Variants in SUGT1 observed in about 807,000 individuals in gnomAD.
The protein encoded by SUGT1 is SGT1 assembly cochaperone of MIS12 kinetochore complex, also known as protein SGT1 homolog.
A neutral mutation model predicts 56.1 loss-of-function variants in SUGT1; 15 were observed. The ratio of observed to expected loss-of-function variants is 0.27; its 90% CI spans 0.18 to 0.41. SUGT1 has a LOEUF of 0.41. Ranked by LOEUF, SUGT1 falls within the 10% of genes least tolerant of loss-of-function variation. SUGT1 has a pLI of 1.00. For missense variants in SUGT1, 347 were observed against 382.2 expected (o/e 0.91, Z 0.77); for synonymous variants, 123 against 128.6 (o/e 0.96, Z 0.30).
intron 5 of SUGT1, among the ~76,000 whole-genome samples, chr13:52,662,338 G>A (rs926490909): frequency 6.6e-6 from 1 of 152,196 alleles, no homozygotes; most frequent in African/African-American, 2.4e-5. Context: ...TGTTCTGTGT[G>A]TGAGGAAGCT....
rs146461150 is a variant in SUGT1 at position 52,676,555 on chromosome 13, A to G, written c.718+235A>G. On this transcript the variant is annotated intron_variant, in intron 11 of 12. Transcript: ENST00000310528. ...AAAATCCTAGAGGGAGTTGGGATTT[A>G]TTGTTTACCATGTAAAGTTTATGAC... 3.9e-5 allele frequency among the ~76,000 whole-genome samples: 6 copies of G among 152,282 alleles called. No individual in the cohort carries two copies. The East Asian group carries it at 1.2e-3, about 29-fold the overall frequency.
Position 52,690,235 on chromosome 13 carries a change from G to T in SUGT1, c.*2400G>T, listed in dbSNP as rs1278183947. The stretch of plus-strand genomic sequence containing the variant: ...GAATCCCACTCTAAAGTACTGCTTT[G>T]TTTAATCATTCTAGATAATGGAAGC... On this transcript the variant is annotated 3_prime_UTR_variant, in exon 13 of 13. Transcript: ENST00000310528. 4 of 152,112 alleles carry T rather than the reference G, an allele frequency of 2.6e-5. No homozygotes were observed. The highest frequency in any genetic ancestry group is 5.9e-5 in the Non-Finnish European group (4 of 68,028). The allele number at this position is 152,112 out of a possible 1,614,324, so 9.4% of individuals were successfully genotyped here. A position where few individuals can be genotyped will look rare whatever the true frequency, so the allele number is the denominator to read the frequency against.
At chr13:52,683,371 T>G (rs1166408168) in intron 12 of SUGT1, among the ~76,000 whole-genome samples, 1 of 152,230 alleles carries the variant, frequency 6.6e-6, no homozygotes, top group Admixed American at 6.5e-5. Context: ...GATAGGATTA[T>G]ATGATTTTTC....
chr13:52,653,138 T>C (rs1452909034), intron 2 of SUGT1, 35 bp downstream of exon 2: 1 of 1,613,498 alleles, frequency 6.2e-7, no homozygotes, highest in Non-Finnish European at 8.5e-7. Flanking sequence ...TCCACTCTTC[T>C]TAGGGGAGCT....
rs1349262973 is a variant in SUGT1, at chr13:52,653,773, A to G, written c.96+670A>G. Among the ~76,000 whole-genome samples the G allele has an allele frequency of 1.3e-5, 2 of 152,236 alleles. 1 individual carries two copies. The highest frequency in any genetic ancestry group is 2.9e-5 in the Non-Finnish European group (2 of 68,042). ...AATAATAAGAATTAAAGGAGAACCT[A>G]AAGATAAATGATGCTGCGGGTCACA... On this transcript the variant is annotated intron_variant, in intron 2 of 12. Transcript: ENST00000310528.
chr13:52,686,219 C>T (rs1371012412), intron 12 of SUGT1, among the ~76,000 whole-genome samples: 2 of 152,124 alleles, frequency 1.3e-5, no homozygotes, highest in African/African-American at 2.4e-5. Flanking sequence ...TGAGCCACTA[C>T]GCCTGGCCTT....
intron 11 of SUGT1, among the ~76,000 whole-genome samples, chr13:52,679,512 G>T (rs933496679): frequency 7.2e-5 from 11 of 152,064 alleles, no homozygotes; most frequent in Non-Finnish European, 1.6e-4. Context: ...AAGATACTAA[G>T]TACTTTAGAA....
At chr13:52,683,958 G>A (rs183897981) in intron 12 of SUGT1, among the ~76,000 whole-genome samples, 319 of 152,270 alleles carry the variant, frequency 2.1e-3, no homozygotes, top group African/African-American at 5.9e-3. Context: ...ATAGCTCACT[G>A]CAGCCTCAAC....
intron 10 of SUGT1, among the ~76,000 whole-genome samples, chr13:52,669,484 A>G (rs577459434): frequency 2.0e-4 from 30 of 152,324 alleles, no homozygotes; most frequent in African/African-American, 6.5e-4. Flanking sequence ...TGGAAAAACA[A>G]TCATGTTAAT....
chr13:52,668,422 C>T (rs1962803625), intron 10 of SUGT1, among the ~76,000 whole-genome samples: 3 of 152,110 alleles, frequency 2.0e-5, no homozygotes, highest in Non-Finnish European at 4.4e-5. Context: ...ATTGGGCCTG[C>T]AGAAAGGACA....
Position 52,699,293 on chromosome 13 carries a change from AAC to A in SUGT1, c.*11460_*11461del, listed in dbSNP as rs1964021277. 1 of 152,212 alleles carries A rather than the reference AAC, an allele frequency of 6.6e-6. No individual in the cohort carries two copies. Among genetic ancestry groups the A allele is most frequent in the Admixed American group, 6.5e-5 (1 of 15,278 alleles). The allele number at this position is 152,212 out of a possible 1,614,324, so 9.4% of individuals were successfully genotyped here. ...CAAATGTTTGTTTCAATCAAAGTGA[AAC>A]AAAATGAGAATAACTATTTGGGCAA... is the stretch of plus-strand genomic sequence containing the variant. On this transcript the variant is annotated 3_prime_UTR_variant, in exon 13 of 13. Transcript: ENST00000310528.
chr13:52,684,185 G>GC (rs1963482518), intron 12 of SUGT1, among the ~76,000 whole-genome samples: 1 of 152,064 alleles, frequency 6.6e-6, no homozygotes, highest in African/African-American at 2.4e-5. Flanking sequence ...ACAGGAGTGA[G>GC]CCCCCATGCC....
intron 4 of SUGT1, 64 bp downstream of exon 4, chr13:52,658,532 G>T: frequency 1.4e-6 from 2 of 1,456,336 alleles, no homozygotes; most frequent in South Asian, 1.3e-5. Flanking sequence ...TTTGTTGAAT[G>T]AGTTCATTGC....
rs1964046032 is a variant in SUGT1 at position 52,700,341 on chromosome 13, T to C, written c.*12506T>C. The C allele has an allele frequency of 6.6e-6, 1 of 152,178 alleles. No homozygotes were observed. The highest frequency in any genetic ancestry group is 1.5e-5 in the Non-Finnish European group (1 of 68,008). 9.4% of individuals were successfully genotyped at this position (152,178 alleles called of 1,614,324 possible). A position where few individuals can be genotyped will look rare whatever the true frequency, so the allele number is the denominator to read the frequency against. On this transcript the variant is annotated 3_prime_UTR_variant, in exon 13 of 13. Coordinates refer to ENST00000310528, the MANE Select transcript of SUGT1 (RefSeq NM_006704.5). ...TGTTTATATTATACCTGCATAAAAGTATTTATGTATAGATGTACTTACCTT... is the reference window on the plus strand; with the variant it reads ...TGTTTATATTATACCTGCATAAAAGCATTTATGTATAGATGTACTTACCTT...
rs1051777807 is a variant in SUGT1 at position 52,653,095 on chromosome 13, G to C, written c.88G>C (p.Ala30Pro). 2 of 1,614,132 alleles carry C rather than the reference G, an allele frequency of 1.2e-6. No homozygotes were observed. Among genetic ancestry groups the C allele is most frequent in the Non-Finnish European group, 1.7e-6 (2 of 1,180,032 alleles). ...CCTAATCGACGAGGACCCCCAGGCG[G>C]CGTTAGAGGTGAGAGAGCCCATTTC... ...DALIDEDPQA[A>P]LEELTKALEQ... Residue 30 changes from alanine to proline, a missense_variant, in exon 2 of 13, where the codon GCG (alanine) becomes CCG (proline). Physicochemically the swap from Ala to Pro is conservative, Grantham distance 27. Transcript: ENST00000310528.
chr13:52,667,786 TC>T (rs1214496429), intron 10 of SUGT1, among the ~76,000 whole-genome samples: 1 of 152,148 alleles, frequency 6.6e-6, no homozygotes, highest in African/African-American at 2.4e-5. Context: ...TGACTCTGGA[TC>T]TTTGCTTGCC....
intron 12 of SUGT1, among the ~76,000 whole-genome samples, chr13:52,681,712 G>A (rs1189235552): frequency 2.0e-5 from 3 of 151,946 alleles, no homozygotes; most frequent in Non-Finnish European, 4.4e-5. Flanking sequence ...GCATGATGTT[G>A]TGCCCCTGTC....
At chr13:52,686,112 G>C (rs762601876) in intron 12 of SUGT1, among the ~76,000 whole-genome samples, 1 of 151,996 alleles carries the variant, frequency 6.6e-6, no homozygotes. Flanking sequence ...AGTTTTAGTA[G>C]AGATGGAGTT....
intron 9 of SUGT1, 96 bp from the exon 10 acceptor site, chr13:52,666,716 T>G: frequency 1.3e-6 from 1 of 788,944 alleles, no homozygotes. Context: ...TAAAATAATT[T>G]GTAACATTAT....
Sources: gnomAD v4.1 joint callset for allele counts (sites outside exome capture counted in the v4.1 genomes callset) on GRCh38, gnomAD v4.1.1 for gene constraint, MANE v1.5 for transcripts, NCBI Gene and HGNC (gene_info 2026-07-23, HGNC 2026-07-21) for gene names.